UBE2D3: variants seen among roughly 807,000 people sequenced by gnomAD.
UBE2D3 encodes ubiquitin-conjugating enzyme E2 D3.
A neutral mutation model predicts 22.8 loss-of-function variants in UBE2D3; 2 were observed. The observed-to-expected ratio is 0.09, with a 90% confidence interval of 0.04 to 0.28. The LOEUF is 0.28. UBE2D3 is among the 10% of genes least tolerant of loss of function. The pLI, the probability that UBE2D3 is intolerant of heterozygous loss-of-function variation, is 1.00. For synonymous variants in UBE2D3, 56 were observed against 60.4 expected, an observed-to-expected ratio of 0.93 and a Z score of 0.34; for missense variants, 27 against 182.5, an observed-to-expected ratio of 0.15 and a Z score of 4.91.
chr4:102,827,356 T>C (rs1730730917), intron 1 of UBE2D3, 71 bp downstream of exon 1: 4 of 983,254 alleles, frequency 4.1e-6, no homozygotes, highest in Non-Finnish European at 4.8e-6. Context: ...GGTCCCGCAC[T>C]GCCCCTCTTA....
chr4:102,808,595 CATTA>C (rs1345746361), intron 4 of UBE2D3, among the ~76,000 whole-genome samples: 3 of 152,106 alleles, frequency 2.0e-5, no homozygotes. Flanking sequence ...TTCAATTTCC[CATTA>C]ATTTATCCTA....
intron 4 of UBE2D3, among the ~76,000 whole-genome samples, chr4:102,807,637 C>T (rs1727273403): frequency 6.6e-6 from 1 of 151,926 alleles, no homozygotes; most frequent in Non-Finnish European, 1.5e-5. Flanking sequence ...TAAAAGGTTG[C>T]TGAAAAAGTT....
rs1386092684 is a variant in UBE2D3 at position 102,853,138 on chromosome 4, T to C, written c.-129+15577A>G. On this transcript the variant is annotated intron_variant, in intron 1 of 7. Coordinates refer to the UBE2D3 transcript ENST00000338145. Reference sequence around the variant, plus strand: ...AAAATTACACACAAACACACACATTTTTTTTTTTTTTTTTTTTTTTTTGAG... The same window carrying C: ...AAAATTACACACAAACACACACATTCTTTTTTTTTTTTTTTTTTTTTTGAG... Among the ~76,000 whole-genome samples, 8 of 108,778 alleles carry C rather than the reference T, an allele frequency of 7.4e-5. 1 individual carries two copies. The highest frequency in any genetic ancestry group is 3.3e-4 in the African/African-American group (8 of 24,410). The allele number at this position is 108,778 out of a possible 152,430, so 71.4% of individuals were successfully genotyped here.
chr4:102,828,970 CTT>C (rs1051477173), upstream of UBE2D3, among the ~76,000 whole-genome samples: 15 of 152,078 alleles, frequency 9.9e-5, no homozygotes, highest in African/African-American at 3.4e-4. Flanking sequence ...GAAAAATAAA[CTT>C]GTTTTAAAAA....
At chr4:102,814,856 A>G (rs559350575) in intron 2 of UBE2D3, among the ~76,000 whole-genome samples, 63 of 152,298 alleles carry the variant, frequency 4.1e-4, no homozygotes, top group East Asian at 1.3e-3. Context: ...CCTATGTGAT[A>G]AATCCTGATG....
At chr4:102,828,833 C>A (rs759998650), upstream of UBE2D3, among the ~76,000 whole-genome samples, 1 of 152,094 alleles carries the variant, frequency 6.6e-6, no homozygotes, top group East Asian at 1.9e-4. Context: ...TCTAGTGTAT[C>A]CTTCAGGCAA....
intron 2 of UBE2D3, among the ~76,000 whole-genome samples, chr4:102,818,368 G>C (rs529885038): frequency 3.3e-5 from 5 of 152,238 alleles, no homozygotes; most frequent in African/African-American, 1.2e-4. Flanking sequence ...CTGCACACTT[G>C]GCTAGTGTGA....
In UBE2D3 at chr4:102,794,575, C is replaced by T. The variant is rs1473956652; in HGVS notation, c.*2840G>A. The T allele has an allele frequency of 6.6e-6, 1 of 151,680 alleles. No individual in the cohort carries two copies. Among genetic ancestry groups the T allele is most frequent in the Non-Finnish European group, 1.5e-5 (1 of 67,896 alleles). 9.4% of individuals were successfully genotyped at this position (151,680 alleles called of 1,614,324 possible). A position where few individuals can be genotyped will look rare whatever the true frequency, so the allele number is the denominator to read the frequency against. ...TTTGTTATGCCAACACAAAACATGG[C>T]TGAGTTACCCCCCTCCCCGCCCAAA... On this transcript the variant is annotated 3_prime_UTR_variant, in exon 8 of 8. Transcript: ENST00000453744.
At chr4:102,825,635 C>T in intron 2 of UBE2D3, 2 of 1,118,570 alleles carry the variant, frequency 1.8e-6, no homozygotes, top group Non-Finnish European at 2.4e-6. Flanking sequence ...AGTTTTTTTT[C>T]AACTTAAATC....
At chr4:102,809,579 GATAAA>G in intron 4 of UBE2D3, 88 bp downstream of exon 4, 1 of 1,278,538 alleles carries the variant, frequency 7.8e-7, no homozygotes, top group Admixed American at 2.7e-5. Context: ...TTAACTATAT[GATAAA>G]ATAAACCTAC....
At chr4:102,828,963 A>G (rs909656431), upstream of UBE2D3, among the ~76,000 whole-genome samples, 3 of 152,158 alleles carry the variant, frequency 2.0e-5, no homozygotes, top group Non-Finnish European at 4.4e-5. Context: ...TTACTTGGAA[A>G]AATAAACTTG....
chr4:102,807,007 T>TA (rs148059601), intron 4 of UBE2D3, among the ~76,000 whole-genome samples: 2,449 of 152,286 alleles, frequency 0.016, 64 homozygotes, highest in African/African-American at 0.053. Context: ...ACTAATGATC[T>TA]AAAGGATTTC....
At position 102,797,402 on chromosome 4, in the gene UBE2D3, C is replaced by T. The variant is rs891909744; in HGVS notation, c.*13G>A. On this transcript the variant is annotated 3_prime_UTR_variant, in exon 8 of 8. Coordinates refer to ENST00000453744, the MANE Select transcript of UBE2D3 (RefSeq NM_181891.3). ...CCAGCTATAATGCAGGTTATTCTGA[C>T]TTTAAGGTAGCATCACATGGCATAC... 1.9e-6 allele frequency: 3 copies of T among 1,595,600 alleles called. No homozygotes were observed. Among genetic ancestry groups the T allele is most frequent in the Non-Finnish European group, 2.6e-6 (3 of 1,169,186 alleles).
At chr4:102,827,161 C>G in intron 1 of UBE2D3, 1 of 986,996 alleles carries the variant, frequency 1.0e-6, no homozygotes, top group South Asian at 4.6e-5. Flanking sequence ...ACTCCGCCTT[C>G]CAGCGCGCTC....
intron 1 of UBE2D3, among the ~76,000 whole-genome samples, chr4:102,862,051 C>CTA (rs1305300072): frequency 6.6e-6 from 1 of 151,852 alleles, no homozygotes; most frequent in Non-Finnish European, 1.5e-5. Context: ...ATAGATAATT[C>CTA]TATATACTGT....
At chr4:102,819,825 C>T (rs1198548652) in intron 2 of UBE2D3, among the ~76,000 whole-genome samples, 1 of 152,158 alleles carries the variant, frequency 6.6e-6, no homozygotes, top group Non-Finnish European at 1.5e-5. Flanking sequence ...CAGCACTTTC[C>T]GGAAAACTAA....
At chr4:102,815,643 C>T in intron 2 of UBE2D3, among the ~76,000 whole-genome samples, 1 of 152,230 alleles carries the variant, frequency 6.6e-6, no homozygotes, top group East Asian at 1.9e-4. Flanking sequence ...GGTATAATTT[C>T]AGCTAGTTAA....
rs1377642697 is a variant in UBE2D3 at position 102,795,255 on chromosome 4, G to T, written c.*2160C>A. ...CGTAAATACCTAAGGGTTGTCTAAG[G>T]CTATAAAGGTCAATTTGAAAGCCAG... On this transcript the variant is annotated 3_prime_UTR_variant, in exon 8 of 8. Transcript: ENST00000453744. 1 of 151,978 alleles carries T rather than the reference G, an allele frequency of 6.6e-6. No homozygotes were observed. Among genetic ancestry groups the T allele is most frequent in the Non-Finnish European group, 1.5e-5 (1 of 67,908 alleles). The allele number at this position is 151,978 out of a possible 1,614,324, so 9.4% of individuals were successfully genotyped here.
At chr4:102,822,103 C>T (rs1460134341) in intron 2 of UBE2D3, among the ~76,000 whole-genome samples, 1 of 152,158 alleles carries the variant, frequency 6.6e-6, no homozygotes, top group Admixed American at 6.5e-5. Flanking sequence ...ACAGAGCAAT[C>T]TAGTGACACA....
Sources: gnomAD v4.1 joint callset for allele counts (sites outside exome capture counted in the v4.1 genomes callset) on GRCh38, gnomAD v4.1.1 for gene constraint, MANE v1.5 for transcripts, NCBI Gene and HGNC (gene_info 2026-07-23, HGNC 2026-07-21) for gene names.